DPP6: variants seen among roughly 807,000 people sequenced by gnomAD.
The protein encoded by DPP6 is A-type potassium channel modulatory protein DPP6.
In DPP6, 69 loss-of-function variants were observed where a neutral mutation model predicts 122.6. That is an observed-to-expected ratio of 0.56 (90% CI 0.46 to 0.69). The LOEUF (loss-of-function observed/expected upper bound fraction) is 0.69. DPP6 is among the 30% of genes least tolerant of loss of function. The pLI is 0.00. For missense variants in DPP6, 928 were observed against 1,116.9 expected, an observed-to-expected ratio of 0.83 and a Z score of 2.41; for synonymous variants, 418 against 433.1, an observed-to-expected ratio of 0.97 and a Z score of 0.43.
Position 154,483,171 on chromosome 7 carries a change from C to T in DPP6, c.457+8134C>T, listed in dbSNP as rs1030036278. On this transcript the variant is annotated intron_variant, in intron 3 of 25. Coordinates refer to ENST00000377770, the MANE Select transcript of DPP6 (RefSeq NM_130797.4). This position sits in a 1 kb window ranked among gnomAD's most constrained non-coding sequence, Gnocchi z 8.1. ...CAGGAGGAGAACTTCTACCACGCCA[C>T]GTCAAAGTCAAGGCAGGAGAAAATG... 5.3e-5 allele frequency among the ~76,000 whole-genome samples: 8 copies of T among 151,864 alleles called. No individual in the cohort carries two copies. The highest frequency in any genetic ancestry group is 1.9e-4 in the East Asian group (1 of 5,160).
chr7:153,854,746 C>G, the DPP6 span, among the ~76,000 whole-genome samples: 1 of 109,234 alleles, frequency 9.2e-6, no homozygotes, highest in Non-Finnish European at 1.9e-5. Context: ...GGGTATATAC[C>G]CAAATGACTA....
At chr7:154,766,855 G>A (rs969231582) in intron 8 of DPP6, among the ~76,000 whole-genome samples, 7 of 152,190 alleles carry the variant, frequency 4.6e-5, no homozygotes, top group African/African-American at 1.2e-4. Flanking sequence ...GTCAGAGAGC[G>A]AGTCTAGAAA....
At chr7:154,181,253 T>A (rs1156985508) in intron 1 of DPP6, among the ~76,000 whole-genome samples, 1 of 152,200 alleles carries the variant, frequency 6.6e-6, no homozygotes, top group Non-Finnish European at 1.5e-5. Context: ...TGACCATTTC[T>A]TTATTTTGGT....
At chr7:153,788,756 G>C in the DPP6 span, among the ~76,000 whole-genome samples, 2 of 152,098 alleles carry the variant, frequency 1.3e-5, no homozygotes, top group Admixed American at 1.3e-4. Flanking sequence ...CTGAGGTCAG[G>C]AGTTCGAGAC....
intron 7 of DPP6, among the ~76,000 whole-genome samples, chr7:154,722,002 C>CA (rs34504657): frequency 0.083 from 10,661 of 128,558 alleles, 976 homozygotes; most frequent in African/African-American, 0.24. Flanking sequence ...CCATCTCTAC[C>CA]AAAAAAAAAA....
At chr7:154,231,333 G>T (rs923188628) in intron 1 of DPP6, among the ~76,000 whole-genome samples, 1 of 152,164 alleles carries the variant, frequency 6.6e-6, no homozygotes, top group East Asian at 1.9e-4. Context: ...TGGGAAATGA[G>T]AGTTCTTACA....
chr7:153,814,121 G>A, the DPP6 span, among the ~76,000 whole-genome samples: 5 of 152,160 alleles, frequency 3.3e-5, no homozygotes, highest in Non-Finnish European at 5.9e-5. Context: ...GAATGGTAAT[G>A]CCTAGGGTTT....
the DPP6 span, among the ~76,000 whole-genome samples, chr7:153,795,846 T>G: frequency 1.3e-5 from 2 of 150,270 alleles, no homozygotes; most frequent in Non-Finnish European, 3.0e-5. Flanking sequence ...TCTTCTTTGA[T>G]TGCATTTTTT....
At chr7:154,110,224 A>G (rs1402198092) in intron 1 of DPP6, among the ~76,000 whole-genome samples, 1 of 152,090 alleles carries the variant, frequency 6.6e-6, no homozygotes, top group African/African-American at 2.4e-5. Flanking sequence ...AAATGCAGAA[A>G]CATTCAATGC....
chr7:154,409,609 C>T (rs1324242607), intron 1 of DPP6, among the ~76,000 whole-genome samples: 1 of 152,214 alleles, frequency 6.6e-6, no homozygotes, highest in Non-Finnish European at 1.5e-5. Flanking sequence ...GTTGGTTCCT[C>T]TGTCCTCTTA....
At position 154,256,435 on chromosome 7, in the gene DPP6, G is replaced by A. The variant is rs145090357; in HGVS notation, c.244-189779G>A. Among the ~76,000 whole-genome samples the A allele has an allele frequency of 2.6e-3, 403 of 152,284 alleles. 2 individuals carry two copies. The highest frequency in any genetic ancestry group is 9.4e-3 in the African/African-American group (391 of 41,552). Reference sequence around the variant, plus strand: ...GAAACTGGACGCCGTCACGGAAAACGATCAGTCTGCATGACGGGCGCATGG... The same window carrying A: ...GAAACTGGACGCCGTCACGGAAAACAATCAGTCTGCATGACGGGCGCATGG... On this transcript the variant is annotated intron_variant, in intron 1 of 25. Transcript: ENST00000377770.
At chr7:154,309,891 C>T (rs553534646) in intron 1 of DPP6, among the ~76,000 whole-genome samples, 9 of 152,204 alleles carry the variant, frequency 5.9e-5, no homozygotes, top group South Asian at 2.1e-4. Flanking sequence ...GCCATGCTCA[C>T]GTACAGTAAA....
rs148932801 is a variant in DPP6 at position 154,504,216 on chromosome 7, G to C, written c.457+29179G>C. Among the ~76,000 whole-genome samples the C allele has an allele frequency of 3.7e-3, 558 of 152,246 alleles. 3 individuals are homozygous for C. Among genetic ancestry groups the C allele is most frequent in the African/African-American group, 0.012 (503 of 41,548 alleles). The stretch of plus-strand genomic sequence containing the variant: ...AACAGGTGCTATTTTTAGCTAGCTG[G>C]AGAATTGATGGCGAGGCTGGCATTT... On this transcript the variant is annotated intron_variant, in intron 3 of 25. Coordinates refer to ENST00000377770, the MANE Select transcript of DPP6 (RefSeq NM_130797.4).
At chr7:154,837,215 C>A (rs909626889) in intron 16 of DPP6, among the ~76,000 whole-genome samples, 5 of 149,388 alleles carry the variant, frequency 3.3e-5, no homozygotes, top group African/African-American at 1.3e-4. Flanking sequence ...CACACATGCA[C>A]ACACATGCAC....
intron 6 of DPP6, among the ~76,000 whole-genome samples, chr7:154,655,857 C>T (rs1444189090): frequency 6.6e-6 from 1 of 152,176 alleles, no homozygotes; most frequent in Admixed American, 6.5e-5. Flanking sequence ...TCCCTTCAGG[C>T]TTTGACTAAA....
chr7:153,865,282 AG>A, the DPP6 span, among the ~76,000 whole-genome samples: 1 of 152,192 alleles, frequency 6.6e-6, no homozygotes, highest in East Asian at 1.9e-4. Flanking sequence ...CAGAAAAGTA[AG>A]GTTACTCATT....
chr7:154,857,380 A>T (rs1386970878), intron 17 of DPP6, among the ~76,000 whole-genome samples: 1 of 152,160 alleles, frequency 6.6e-6, no homozygotes, highest in Admixed American at 6.5e-5. Context: ...GAGGGTTGGC[A>T]CATCATAGCT....
intron 1 of DPP6, among the ~76,000 whole-genome samples, chr7:154,135,118 G>A (rs2150644751): frequency 6.6e-6 from 1 of 151,318 alleles, no homozygotes; most frequent in East Asian, 2.0e-4. Flanking sequence ...CACTTCCTAT[G>A]TGTACACTTC....
chr7:154,058,334 C>T (rs1282131709), intron 1 of DPP6: 1 of 148,796 alleles, frequency 6.7e-6, no homozygotes, highest in Non-Finnish European at 1.5e-5. Context: ...GAGGCACCCC[C>T]CGCGAGGCAG....
Sources: allele counts gnomAD v4.1 joint callset (sites outside exome capture counted in the v4.1 genomes callset), GRCh38; gene constraint gnomAD v4.1.1; non-coding constraint Gnocchi (gnomAD v3.1); transcripts MANE v1.5; gene names NCBI Gene and HGNC (gene_info 2026-07-23, HGNC 2026-07-21).